The following BAP1 variants were observed in gnomAD, a reference collection of about 807,000 sequenced individuals.
BAP1 encodes BRCA1 associated deubiquitinase 1, also known as ubiquitin carboxyl-terminal hydrolase BAP1.
A neutral mutation model predicts 77.2 loss-of-function variants in BAP1; 16 were observed. The observed-to-expected ratio is 0.21, with a 90% CI of 0.14 to 0.31. BAP1 has a LOEUF of 0.31. Among genes scored for constraint, BAP1 ranks in the 10% least tolerant of loss-of-function variants. The pLI, the probability that BAP1 is intolerant of heterozygous loss-of-function variation, is 1.00. For missense variants in BAP1, 699 were observed against 967.3 expected (o/e 0.72, Z 3.68); for synonymous variants, 362 against 385.2 (o/e 0.94, Z 0.71).
At chr3:52,405,048 T>G in intron 11 of BAP1, 62 bp downstream of exon 11, 1 of 1,602,652 alleles carries the variant, frequency 6.2e-7, no homozygotes, top group Non-Finnish European at 8.5e-7. Context: ...ATGGGAAAAT[T>G]GCCTGTTGCA....
chr3:52,401,129 A>T lies in BAP1; in HGVS notation c.*1159T>A, dbSNP rs1273149023. ...CCACACTTGCCAGCACCCCCCACTC[A>T]GTCACTATGTACAGATAAAGGGGCC... On this transcript the variant is annotated 3_prime_UTR_variant, in exon 17 of 17. Coordinates refer to ENST00000460680, the MANE Select transcript of BAP1 (RefSeq NM_004656.4). 1 of 232,670 alleles carries T rather than the reference A, an allele frequency of 4.3e-6. No homozygotes were observed. Among genetic ancestry groups the T allele is most frequent in the Non-Finnish European group, 8.5e-6 (1 of 117,876 alleles). The allele number at this position is 232,670 out of a possible 1,614,324, so 14.4% of individuals were successfully genotyped here.
At position 52,401,798 on chromosome 3, in the gene BAP1, C is replaced by T. The variant is rs1704963349; in HGVS notation, c.*490G>A. The T allele has an allele frequency of 7.8e-6, 2 of 255,822 alleles. No homozygotes were observed. Among genetic ancestry groups the T allele is most frequent in the African/African-American group, 2.2e-5 (1 of 45,804 alleles). 15.8% of individuals were successfully genotyped at this position (255,822 alleles called of 1,614,324 possible). A position where few individuals can be genotyped will look rare whatever the true frequency, so the allele number is the denominator to read the frequency against. ...TGGCTGGGGCTAGAGCAGCAGGGCCCAGAGCCCAGGGCCCACCCAGGCCCC... is the reference window on the plus strand; with the variant it reads ...TGGCTGGGGCTAGAGCAGCAGGGCCTAGAGCCCAGGGCCCACCCAGGCCCC... On this transcript the variant is annotated 3_prime_UTR_variant, in exon 17 of 17. Coordinates refer to ENST00000460680, the MANE Select transcript of BAP1 (RefSeq NM_004656.4).
chr3:52,406,346 C>G lies in BAP1; in HGVS notation c.690G>C (p.Leu230=), dbSNP rs1705157587. The G allele has an allele frequency of 6.2e-7, 1 of 1,614,140 alleles. No homozygotes were observed. Among genetic ancestry groups the G allele is most frequent in the Non-Finnish European group, 8.5e-7 (1 of 1,180,036 alleles). ...GEPYHDIRFN[L]MAVVPDRRIK... is the part of the protein sequence containing the mutation. ...TCCTGCGGTCGGGCACCACTGCCATCAGGTTGAAGCGGATGTCGTGGTAGG... is the reference window on the plus strand; with the variant it reads ...TCCTGCGGTCGGGCACCACTGCCATGAGGTTGAAGCGGATGTCGTGGTAGG... Residue 230 remains leucine, a synonymous_variant, in exon 9 of 17, where the codon CTG becomes CTC. Coordinates refer to ENST00000460680, the MANE Select transcript of BAP1 (RefSeq NM_004656.4). This position sits in a 1 kb window ranked among gnomAD's most constrained non-coding sequence, Gnocchi z 4.6.
rs1294181960 is a variant in BAP1 at position 52,406,548 on chromosome 3, C to A, written c.660-172G>T. On this transcript the variant is annotated intron_variant, in intron 8 of 16. Transcript: ENST00000460680. The surrounding 1 kb of genome is among the most constrained non-coding windows in gnomAD (Gnocchi z 4.6). The stretch of plus-strand genomic sequence containing the variant: ...ACATGCCAGGCACCTGAGCTGGTAC[C>A]TTCCAACAAGCTGTATGAGGGGCCT... The A allele has an allele frequency of 1.9e-6, 2 of 1,075,724 alleles. No individual in the cohort carries two copies. The allele number at this position is 1,075,724 out of a possible 1,614,324, so 66.6% of individuals were successfully genotyped here. A position where few individuals can be genotyped will look rare whatever the true frequency, so the allele number is the denominator to read the frequency against.
rs746308215 is a variant in BAP1 at position 52,404,495 on chromosome 3, T to C, written c.1208A>G (p.Asp403Gly). Residue 403 changes from aspartate (D) to glycine (G), a missense_variant, in exon 12 of 17, where the codon GAT (aspartate) becomes GGT (glycine). Coordinates refer to ENST00000460680, the MANE Select transcript of BAP1 (RefSeq NM_004656.4). ...QYSDDEDDYEDDEEDDVQNTN... is the reference protein window; with the variant it reads ...QYSDDEDDYEGDEEDDVQNTN... ...GTTCTGCACGTCATCCTCCTCGTCA[T>C]CCTCATAGTCATCCTCATCATCTGA... 9.9e-6 allele frequency: 16 copies of C among 1,614,012 alleles called. No individual in the cohort carries two copies. The East Asian group carries it at 3.6e-4, about 36-fold the overall frequency.
At chr3:52,407,126 A>G in intron 7 of BAP1, 48 bp downstream of exon 7, 1 of 1,611,644 alleles carries the variant, frequency 6.2e-7, no homozygotes, top group Non-Finnish European at 8.5e-7. Flanking sequence ...CCAGCTCCCT[A>G]GGAGGTAGGC....
At chr3:52,404,623 G>A (rs1578222484) in intron 11 of BAP1, 37 bp from the exon 12 acceptor site, 2 of 1,600,292 alleles carry the variant, frequency 1.2e-6, no homozygotes, top group Non-Finnish European at 8.5e-7. Flanking sequence ...AACAAGTGCT[G>A]CTCGGCCCAG....
Position 52,402,511 on chromosome 3 carries a change from G to A in BAP1, c.2057-90C>T, listed in dbSNP as rs2153226135. The A allele has an allele frequency of 6.2e-7, 1 of 1,608,176 alleles. No homozygotes were observed. ...TGGCCCTCCCTGTGCCCCAAGGTCT[G>A]CTCAAGCCTCAGGAGAGGCCAGGGG... On this transcript the variant is annotated intron_variant, in intron 16 of 16. Coordinates refer to ENST00000460680, the MANE Select transcript of BAP1 (RefSeq NM_004656.4). The surrounding 1 kb of genome is among the most constrained non-coding windows in gnomAD (Gnocchi z 5.3).
rs758169234 is a variant in BAP1 at position 52,407,449 on chromosome 3, A to G, written c.387T>C (p.Tyr129=). The change falls in exon 6 of 17, where the codon TAT becomes TAC. Residue 129 remains tyrosine, a synonymous_variant. Coordinates refer to ENST00000460680, the MANE Select transcript of BAP1 (RefSeq NM_004656.4). ...TKGFSPESKG[Y]AIGNAPELAK... is the part of the protein sequence containing the mutation. ...CCAACTCCGGGGCATTGCCAATCGC[A>G]TATCCTTTGCTCTACGGGGAAGAAA... 3.7e-6 allele frequency: 6 copies of G among 1,614,196 alleles called. No individual in the cohort carries two copies. The South Asian group carries it at 4.4e-5, about 12-fold the overall frequency.
chr3:52,408,787 A>G (rs1052777784), intron 3 of BAP1, among the ~76,000 whole-genome samples, 181 bp from the exon 4 acceptor site: 1 of 152,230 alleles, frequency 6.6e-6, no homozygotes, highest in African/African-American at 2.4e-5. Flanking sequence ...CTCACACACC[A>G]AAGGCCTGCC....
In BAP1 at chr3:52,403,305, A is replaced by G; in HGVS notation, c.1730-7T>C. On this transcript the variant is annotated splice_region_variant and splice_polypyrimidine_tract_variant and intron_variant, in intron 13 of 16. Coordinates refer to ENST00000460680, the MANE Select transcript of BAP1 (RefSeq NM_004656.4). The surrounding 1 kb of genome is among the most constrained non-coding windows in gnomAD (Gnocchi z 4.0). ...GAGGAACCCTTCCCACCCTCTGGGAAGAGAGGTCACAAGAAAATCATCAGA... is the reference window on the plus strand; with the variant it reads ...GAGGAACCCTTCCCACCCTCTGGGAGGAGAGGTCACAAGAAAATCATCAGA... 1 of 1,613,624 alleles carries G rather than the reference A, an allele frequency of 6.2e-7. No individual in the cohort carries two copies. Among genetic ancestry groups the G allele is most frequent in the African/African-American group, 1.3e-5 (1 of 75,036 alleles).
rs779041372 is a variant in BAP1 at position 52,402,032 on chromosome 3, C to T, written c.*256G>A. On this transcript the variant is annotated 3_prime_UTR_variant, in exon 17 of 17. Transcript: ENST00000460680. This position sits in a 1 kb window ranked among gnomAD's most constrained non-coding sequence, Gnocchi z 5.3. ...GGGCCAGGTCCTGCTGCTCCACAGC[C>T]GGCTGTGGAGGAAGCTGCAGTACCT... 1.5e-5 allele frequency: 9 copies of T among 605,974 alleles called. No individual in the cohort carries two copies. The highest frequency in any genetic ancestry group is 2.8e-5 in the East Asian group (1 of 35,502). The allele number at this position is 605,974 out of a possible 1,614,324, so 37.5% of individuals were successfully genotyped here. A position where few individuals can be genotyped will look rare whatever the true frequency, so the allele number is the denominator to read the frequency against.
At position 52,403,309 on chromosome 3, in the gene BAP1, A is replaced by G. The variant is rs1390547869; in HGVS notation, c.1730-11T>C. 1.2e-6 allele frequency: 2 copies of G among 1,613,320 alleles called. No individual in the cohort carries two copies. Among genetic ancestry groups the G allele is most frequent in the Non-Finnish European group, 1.7e-6 (2 of 1,179,988 alleles). On this transcript the variant is annotated splice_polypyrimidine_tract_variant and intron_variant, in intron 13 of 16. Coordinates refer to ENST00000460680, the MANE Select transcript of BAP1 (RefSeq NM_004656.4). This position sits in a 1 kb window ranked among gnomAD's most constrained non-coding sequence, Gnocchi z 4.0. ...AACCCTTCCCACCCTCTGGGAAGAG[A>G]GGTCACAAGAAAATCATCAGAGTGC...
At position 52,409,974 on chromosome 3, in the gene BAP1, C is replaced by T. The variant is rs867596988; in HGVS notation, c.-96G>A. The T allele has an allele frequency of 7.9e-6, 12 of 1,521,062 alleles. No individual in the cohort carries two copies. Among genetic ancestry groups the T allele is most frequent in the Non-Finnish European group, 9.7e-6 (11 of 1,132,816 alleles). The allele number at this position is 1,521,062 out of a possible 1,614,324, so 94.2% of individuals were successfully genotyped here. A position where few individuals can be genotyped will look rare whatever the true frequency, so the allele number is the denominator to read the frequency against. On this transcript the variant is annotated 5_prime_UTR_variant, in exon 1 of 17. Transcript: ENST00000460680. ...CCCACCGCCCCCGGGGCCCCTCAGT[C>T]CCACACACAGACAACGGGCCCAGTC...
At position 52,405,859 on chromosome 3, in the gene BAP1, T is replaced by C; in HGVS notation, c.837A>G (p.Ser279=). 6.2e-7 allele frequency: 1 copy of C among 1,614,160 alleles called. No individual in the cohort carries two copies. The highest frequency in any genetic ancestry group is 8.5e-7 in the Non-Finnish European group (1 of 1,180,040). The stretch of plus-strand genomic sequence containing the variant: ...CTGACTTGGACTCCTCAGGCAGCTG[T>C]GACTCTTGAGACTTGTGGGTCTGAA... ...ELIQTHKSQE[S]QLPEESKSAS... Residue 279 remains serine, a synonymous_variant, in exon 10 of 17, where the codon TCA becomes TCG. Coordinates refer to ENST00000460680, the MANE Select transcript of BAP1 (RefSeq NM_004656.4).
At chr3:52,407,918 C>T (rs1301138167) in intron 5 of BAP1, 40 bp downstream of exon 5, 3 of 1,612,162 alleles carry the variant, frequency 1.9e-6, no homozygotes, top group Non-Finnish European at 2.5e-6. Flanking sequence ...TCAGATCTGC[C>T]CAGTTGGCTG....
rs1047326299 is a variant in BAP1, at chr3:52,409,960, C to T, written c.-82G>A. The stretch of plus-strand genomic sequence containing the variant: ...CCCCACCGGGAGCCCCCACCGCCCC[C>T]GGGGCCCCTCAGTCCCACACACAGA... On this transcript the variant is annotated 5_prime_UTR_variant, in exon 1 of 17. Transcript: ENST00000460680. 2.6e-5 allele frequency: 40 copies of T among 1,542,812 alleles called. No homozygotes were observed. The highest frequency in any genetic ancestry group is 5.4e-5 in the African/African-American group (4 of 73,500).
chr3:52,408,206 A>C, intron 4 of BAP1, 129 bp from the exon 5 acceptor site: 1 of 1,448,406 alleles, frequency 6.9e-7, no homozygotes, highest in Non-Finnish European at 9.5e-7. Context: ...AGCTCCTTTC[A>C]TCTTTGCCTA....
Position 52,405,720 on chromosome 3 carries a change from G to C in BAP1, c.931+45C>G, listed in dbSNP as rs778824091. The C allele has an allele frequency of 3.1e-6, 5 of 1,610,242 alleles. No homozygotes were observed. In the South Asian group the frequency reaches 5.5e-5, roughly 18 times the overall value. ...TTTAGGCCTCCCATGTCAGACATTA[G>C]CGGGTGGCTCTGAGGTCCACAAGAG... On this transcript the variant is annotated intron_variant, in intron 10 of 16. Transcript: ENST00000460680.
Sources: gnomAD v4.1 joint callset for allele counts (sites outside exome capture counted in the v4.1 genomes callset) on GRCh38, gnomAD v4.1.1 for gene constraint, Gnocchi (gnomAD v3.1) non-coding constraint, MANE v1.5 for transcripts, NCBI Gene and HGNC (gene_info 2026-07-23, HGNC 2026-07-21) for gene names.